Variants in NAA16 observed in about 807,000 individuals in gnomAD.
The protein encoded by NAA16 is NARG1-like protein.
Under a neutral mutation model 110.3 loss-of-function variants are expected in NAA16, and 97 were observed. That is an observed-to-expected ratio of 0.88 (90% CI 0.75 to 1.04). NAA16 has a LOEUF of 1.04. NAA16 is among the 50% of genes least tolerant of loss of function. The pLI, the probability that NAA16 is intolerant of heterozygous loss-of-function variation, is 0.00. For missense variants in NAA16, 1,017 were observed against 1,005.1 expected, an observed-to-expected ratio of 1.01 and a Z score of -0.16; for synonymous variants, 372 against 330.6, an observed-to-expected ratio of 1.13 and a Z score of -1.36.
At chr13:41,329,712 T>C (rs1269985006) in intron 7 of NAA16, among the ~76,000 whole-genome samples, 1 of 151,914 alleles carries the variant, frequency 6.6e-6, no homozygotes, top group African/African-American at 2.4e-5. Flanking sequence ...AAAATCACAA[T>C]ATTGATTAAA....
At chr13:41,360,969 A>G (rs1055982871) in intron 12 of NAA16, among the ~76,000 whole-genome samples, 4 of 152,184 alleles carry the variant, frequency 2.6e-5, no homozygotes, top group African/African-American at 9.7e-5. Context: ...GTTCACCCAG[A>G]GATAACTAGT....
At chr13:41,342,563 G>A (rs183093152) in intron 9 of NAA16, among the ~76,000 whole-genome samples, 9 of 152,200 alleles carry the variant, frequency 5.9e-5, no homozygotes, top group Non-Finnish European at 1.3e-4. Context: ...TTCTGTTCCC[G>A]AGTTGGCATA....
intron 1 of NAA16, among the ~76,000 whole-genome samples, chr13:41,311,989 CTGCATTCTCTGCTT>C (rs1435566588): frequency 1.3e-5 from 2 of 152,244 alleles, no homozygotes; most frequent in Non-Finnish European, 2.9e-5. Flanking sequence ...GTTTTGCGTT[CTGCATTCTCTGCTT>C]TGCGTTTAGT....
At chr13:41,312,891 T>TAATG (rs1273634228) in intron 1 of NAA16, among the ~76,000 whole-genome samples, 1 of 152,216 alleles carries the variant, frequency 6.6e-6, no homozygotes, top group Non-Finnish European at 1.5e-5. Flanking sequence ...GCAGGTTGCT[T>TAATG]CATTGGGCTT....
chr13:41,322,739 A>T lies in NAA16; in HGVS notation c.403-317A>T, dbSNP rs78664301. On this transcript the variant is annotated intron_variant, in intron 4 of 19. Transcript: ENST00000379406. ...TAAGTAGCAAAATGTAGTTTAATAAAAAACCATCTTAGTCTTCTTACAGAA... is the reference window on the plus strand; with the variant it reads ...TAAGTAGCAAAATGTAGTTTAATAATAAACCATCTTAGTCTTCTTACAGAA... Among the ~76,000 whole-genome samples, 443 of 152,330 alleles carry T rather than the reference A, an allele frequency of 2.9e-3. 3 individuals are homozygous for T. Among genetic ancestry groups the T allele is most frequent in the African/African-American group, 0.01 (420 of 41,572 alleles).
intron 16 of NAA16, 129 bp from the exon 17 acceptor site, chr13:41,372,603 T>G: frequency 7.5e-7 from 1 of 1,333,822 alleles, no homozygotes; most frequent in Middle Eastern, 2.8e-4. Context: ...CAGAGTCAAC[T>G]TTAATTTTGC....
At chr13:41,367,686 G>T (rs1450099211) in intron 14 of NAA16, 34 bp downstream of exon 14, 1 of 1,428,354 alleles carries the variant, frequency 7.0e-7, no homozygotes, top group Non-Finnish European at 9.6e-7. Context: ...ATTTTAAAAG[G>T]ACACTAAATT....
Position 41,311,386 on chromosome 13 carries a change from A to T in NAA16, c.-143A>T, listed in dbSNP as rs1255832825. 1.1e-5 allele frequency: 8 copies of T among 740,640 alleles called. No homozygotes were observed. The highest frequency in any genetic ancestry group is 1.3e-5 in the Non-Finnish European group (6 of 451,268). The allele number at this position is 740,640 out of a possible 1,614,324, so 45.9% of individuals were successfully genotyped here. On this transcript the variant is annotated 5_prime_UTR_variant, in exon 1 of 20. Transcript: ENST00000379406. ...CCCGTGCCGAACAGCCAGGCTGCCC[A>T]ATTGCAACTGTAGACCAATGAACTA...
In NAA16 at chr13:41,375,556, C is replaced by T. The variant is rs935310839; in HGVS notation, c.2549C>T (p.Ala850Val). ...AVNEVDNPNV[A>V]LNHTANYDVL... ...AATGAAGTCGACAATCCTAATGTGG[C>T]ACTGAACCATACAGCTAATTATGAT... The change falls in exon 20 of 20, where the codon GCA becomes GTA. Residue 850 changes from alanine (A) to valine (V), a missense_variant. Coordinates refer to ENST00000379406, the MANE Select transcript of NAA16 (RefSeq NM_024561.5). The T allele has an allele frequency of 6.2e-7, 1 of 1,614,034 alleles. No homozygotes were observed. Among genetic ancestry groups the T allele is most frequent in the African/African-American group, 1.3e-5 (1 of 75,008 alleles).
chr13:41,373,523 G>A, intron 17 of NAA16, 114 bp from the exon 18 acceptor site: 1 of 1,265,100 alleles, frequency 7.9e-7, no homozygotes, highest in Non-Finnish European at 1.0e-6. Flanking sequence ...CTCCCAAAGT[G>A]CTGGGATTAC....
intron 9 of NAA16, among the ~76,000 whole-genome samples, chr13:41,347,936 G>A (rs1332403744): frequency 1.3e-5 from 2 of 152,108 alleles, no homozygotes; most frequent in East Asian, 1.9e-4. Context: ...AAAGCATCTA[G>A]ATTTTTCACC....
At chr13:41,317,479 T>G (rs1473974188) in intron 2 of NAA16, among the ~76,000 whole-genome samples, 1 of 152,190 alleles carries the variant, frequency 6.6e-6, no homozygotes, top group African/African-American at 2.4e-5. Context: ...ACAGCCAGTG[T>G]TAGAAGGGTG....
Position 41,367,484 on chromosome 13 carries a change from T to C in NAA16, c.1585T>C (p.Cys529Arg). The C allele has an allele frequency of 6.2e-7, 1 of 1,613,104 alleles. No homozygotes were observed. The highest frequency in any genetic ancestry group is 8.5e-7 in the Non-Finnish European group (1 of 1,179,508). The change falls in exon 14 of 20, where the codon TGC becomes CGC. Residue 529 changes from cysteine (C) to arginine (R), a missense_variant. By Grantham distance (180) the Cys-to-Arg change is radical. Transcript: ENST00000379406. Reference sequence around the variant, plus strand: ...TGACCAATTCGACTTCCATACATACTGCATGAGAAAGATGACCCTTCGTGC... The same window carrying C: ...TGACCAATTCGACTTCCATACATACCGCATGAGAAAGATGACCCTTCGTGC... Reference protein sequence around the residue: ...TDDQFDFHTYCMRKMTLRAYV... With the variant: ...TDDQFDFHTYRMRKMTLRAYV...
chr13:41,316,884 G>A lies in NAA16; in HGVS notation c.93G>A (p.Lys31=). Residue 31 remains lysine (K), a synonymous_variant, in exon 2 of 20, where the codon AAG becomes AAA. Transcript: ENST00000379406. ...YEQKQYKNGL[K]FCKMILSNPK... is the part of the protein sequence containing the mutation. ...AGAAGCAGTACAAAAATGGCCTCAA[G>A]TTTTGCAAGATGATTCTGTCGAACC... The A allele has an allele frequency of 6.2e-7, 1 of 1,613,778 alleles. No homozygotes were observed.
intron 9 of NAA16, among the ~76,000 whole-genome samples, chr13:41,338,307 C>T (rs1443067880): frequency 1.3e-5 from 2 of 152,198 alleles, no homozygotes; most frequent in Non-Finnish European, 2.9e-5. Flanking sequence ...GGGGCTTTCA[C>T]AGGGTGTTGT....
intron 9 of NAA16, chr13:41,354,513 G>A (rs2042928785): frequency 6.6e-6 from 1 of 152,180 alleles, no homozygotes; most frequent in Non-Finnish European, 1.5e-5. Flanking sequence ...AAATAAAGAT[G>A]TCAAAGCCCC....
chr13:41,341,417 C>T (rs887135312), intron 9 of NAA16, among the ~76,000 whole-genome samples: 1 of 152,028 alleles, frequency 6.6e-6, no homozygotes, highest in African/African-American at 2.4e-5. Context: ...CAAGTGATTA[C>T]AAGAAAAAGG....
At chr13:41,339,257 A>G (rs2042466568) in intron 9 of NAA16, among the ~76,000 whole-genome samples, 1 of 151,988 alleles carries the variant, frequency 6.6e-6, no homozygotes, top group South Asian at 2.1e-4. Context: ...CTCCTGCCTC[A>G]GCCTCCCGAG....
At chr13:41,327,834 T>C (rs2042133205) in intron 6 of NAA16, 1 of 151,774 alleles carries the variant, frequency 6.6e-6, no homozygotes, top group Admixed American at 6.6e-5. Flanking sequence ...AACTAGTTAG[T>C]GGTGGAGTTG....
Sources: allele counts gnomAD v4.1 joint callset (sites outside exome capture counted in the v4.1 genomes callset), GRCh38; gene constraint gnomAD v4.1.1; transcripts MANE v1.5; gene names NCBI Gene and HGNC (gene_info 2026-07-23, HGNC 2026-07-21).